Variants in VIRMA observed in about 807,000 individuals in gnomAD.
VIRMA encodes the protein vir like m6A methyltransferase associated, also known as protein virilizer homolog.
VIRMA carries 65 observed loss-of-function variants against 182.4 expected under a neutral mutation model. The observed-to-expected ratio is 0.36, with a 90% CI of 0.29 to 0.44. The LOEUF (loss-of-function observed/expected upper bound fraction) is 0.44. VIRMA is among the 20% of genes least tolerant of loss of function. The pLI, the probability that VIRMA is intolerant of heterozygous loss-of-function variation, is 1.00. For synonymous variants in VIRMA, 709 were observed against 743.1 expected (o/e 0.95, Z 0.75); for missense variants, 1,752 against 2,158.1 (o/e 0.81, Z 3.73).
intron 16 of VIRMA, among the ~76,000 whole-genome samples, chr8:94,501,942 T>C (rs751511515): frequency 2.0e-5 from 3 of 152,204 alleles, no homozygotes; most frequent in Non-Finnish European, 4.4e-5. Flanking sequence ...AACTGTTAAG[T>C]CCGTTTGTTC....
chr8:94,526,373 A>G lies in VIRMA; in HGVS notation c.1871T>C (p.Ile624Thr). Reference sequence around the variant, plus strand: ...TTCTAGGAGGTTAATAAGCCTTTCTATTTCCCCTTCACTTATATTTGAGGA... The same window carrying G: ...TTCTAGGAGGTTAATAAGCCTTTCTGTTTCCCCTTCACTTATATTTGAGGA... The part of the protein sequence containing the change: ...LESSNISEGE[I>T]ERLINLLEEV... The change falls in exon 8 of 24, where the codon ATA becomes ACA. Residue 624 changes from isoleucine (I) to threonine (T), a missense_variant. Around this residue, in one of 11 missense-constraint regions of VIRMA, gnomAD observed 401 missense variants for 455.1 expected, o/e 0.88. Transcript: ENST00000297591. The G allele has an allele frequency of 6.2e-7, 1 of 1,614,038 alleles. No individual in the cohort carries two copies. Among genetic ancestry groups the G allele is most frequent in the Non-Finnish European group, 8.5e-7 (1 of 1,179,982 alleles).
chr8:94,531,554 T>C (rs373671893), intron 5 of VIRMA, among the ~76,000 whole-genome samples: 17 of 152,346 alleles, frequency 1.1e-4, no homozygotes, highest in African/African-American at 4.1e-4. Flanking sequence ...CATTTCAGAC[T>C]TTCATCTTCA....
intron 10 of VIRMA, among the ~76,000 whole-genome samples, chr8:94,515,978 C>T (rs772189175): frequency 1.3e-5 from 2 of 151,616 alleles, no homozygotes; most frequent in African/African-American, 2.4e-5. Context: ...CATGGTAGCA[C>T]GCACCTGTAG....
chr8:94,495,172 A>G (rs971064266), intron 19 of VIRMA, among the ~76,000 whole-genome samples: 3 of 151,994 alleles, frequency 2.0e-5, no homozygotes. Context: ...AGCTAATTAA[A>G]AAAAATTTTT....
At chr8:94,521,931 T>C (rs903620684) in intron 8 of VIRMA, among the ~76,000 whole-genome samples, 1 of 152,200 alleles carries the variant, frequency 6.6e-6, no homozygotes, top group Non-Finnish European at 1.5e-5. Flanking sequence ...AGAGGTCTGC[T>C]TGCAAGGTTG....
rs1814334833 is a variant in VIRMA at position 94,510,672 on chromosome 8, T to C, written c.3391-20A>G. On this transcript the variant is annotated intron_variant, in intron 13 of 23. Coordinates refer to ENST00000297591, the MANE Select transcript of VIRMA (RefSeq NM_015496.5). ...AATAACCTGTTAAAAAAGTATAATG[T>C]GTGTGTACGTAGATTTTTTAATATT... 1 of 1,520,460 alleles carries C rather than the reference T, an allele frequency of 6.6e-7. No individual in the cohort carries two copies. The highest frequency in any genetic ancestry group is 1.4e-5 in the African/African-American group (1 of 73,094). 94.2% of individuals were successfully genotyped at this position (1,520,460 alleles called of 1,614,324 possible).
chr8:94,520,491 C>G (rs532022066), intron 8 of VIRMA, among the ~76,000 whole-genome samples: 30 of 151,952 alleles, frequency 2.0e-4, no homozygotes, highest in African/African-American at 6.5e-4. Flanking sequence ...AAGAGCAAGA[C>G]TCTGTCTCAA....
At chr8:94,537,294 AATGT>A in intron 3 of VIRMA, 143 bp from the exon 4 acceptor site, 1 of 664,474 alleles carries the variant, frequency 1.5e-6, no homozygotes, top group Non-Finnish European at 2.6e-6. Context: ...GTTTGAGTTT[AATGT>A]ATTGTCCCCA....
At chr8:94,502,399 CATAT>C (rs1420971625) in intron 16 of VIRMA, among the ~76,000 whole-genome samples, 2 of 151,246 alleles carry the variant, frequency 1.3e-5, no homozygotes, top group Non-Finnish European at 2.9e-5. Flanking sequence ...TTCTCAAAAA[CATAT>C]ATATAAATTA....
chr8:94,540,486 C>T (rs531015914), intron 2 of VIRMA, among the ~76,000 whole-genome samples: 29 of 123,186 alleles, frequency 2.4e-4, no homozygotes, highest in Non-Finnish European at 3.7e-4. Context: ...TTTTTTGAGA[C>T]GGAGTCTTGC....
chr8:94,534,744 A>T, intron 5 of VIRMA, 95 bp downstream of exon 5: 4 of 1,476,430 alleles, frequency 2.7e-6, no homozygotes, highest in Non-Finnish European at 3.7e-6. Context: ...GAAATAAAAC[A>T]AAAACAAAAG....
At chr8:94,488,931 G>A (rs1186526849) in intron 23 of VIRMA, 71 bp from the exon 24 acceptor site, 9 of 1,506,444 alleles carry the variant, frequency 6.0e-6, no homozygotes, top group East Asian at 4.6e-5. Flanking sequence ...ACTAATCTAC[G>A]ACACTGAGCT....
chr8:94,530,789 G>A (rs1815145636), intron 6 of VIRMA, among the ~76,000 whole-genome samples, 174 bp downstream of exon 6: 1 of 152,186 alleles, frequency 6.6e-6, no homozygotes, highest in Non-Finnish European at 1.5e-5. Context: ...ATGCACACCT[G>A]TAGTCCCAGC....
chr8:94,489,822 G>A (rs1006413516), intron 23 of VIRMA, 117 bp downstream of exon 23: 4 of 1,114,110 alleles, frequency 3.6e-6, no homozygotes, highest in African/African-American at 1.6e-5. Flanking sequence ...TTGACTGTGT[G>A]GAGCAAGGAG....
rs558583731 is a variant in VIRMA at position 94,503,295 on chromosome 8, T to A, written c.4097+3205A>T. Among the ~76,000 whole-genome samples, 13 of 152,338 alleles carry A rather than the reference T, an allele frequency of 8.5e-5. No homozygotes were observed. The South Asian group carries it at 2.7e-3, about 32-fold the overall frequency. ...AAATTAATAAGTTTTCAGTGCAGAATCCTAGAAGATAGCACTTCAGCCAAG... is the reference window on the plus strand; with the variant it reads ...AAATTAATAAGTTTTCAGTGCAGAAACCTAGAAGATAGCACTTCAGCCAAG... On this transcript the variant is annotated intron_variant, in intron 16 of 23. Coordinates refer to ENST00000297591, the MANE Select transcript of VIRMA (RefSeq NM_015496.5).
chr8:94,508,428 T>C (rs1814243652), intron 15 of VIRMA, among the ~76,000 whole-genome samples: 1 of 152,138 alleles, frequency 6.6e-6, no homozygotes, highest in Non-Finnish European at 1.5e-5. Flanking sequence ...TTATGTTTTA[T>C]CATCTTTAAT....
At chr8:94,524,683 C>T (rs961311758) in intron 8 of VIRMA, among the ~76,000 whole-genome samples, 1 of 152,184 alleles carries the variant, frequency 6.6e-6, no homozygotes, top group African/African-American at 2.4e-5. Flanking sequence ...TTAGGTGATC[C>T]ACCCACATTT....
At chr8:94,524,178 T>C (rs987984379) in intron 8 of VIRMA, among the ~76,000 whole-genome samples, 1 of 151,958 alleles carries the variant, frequency 6.6e-6, no homozygotes, top group East Asian at 1.9e-4. Context: ...TTTGTATTTT[T>C]AGTAGAGATG....
intron 22 of VIRMA, 63 bp from the exon 23 acceptor site, chr8:94,490,145 G>A: frequency 1.3e-6 from 2 of 1,516,948 alleles, no homozygotes; most frequent in Non-Finnish European, 1.8e-6. Flanking sequence ...TCTTTTAAGT[G>A]ACAGATTTTT....
Sources: allele counts gnomAD v4.1 joint callset (sites outside exome capture counted in the v4.1 genomes callset), GRCh38; gene constraint gnomAD v4.1.1; regional missense constraint gnomAD v4.1.1; transcripts MANE v1.5; gene names NCBI Gene and HGNC (gene_info 2026-07-23, HGNC 2026-07-21).